Variants in GNAT3 observed in about 807,000 individuals in gnomAD.
The protein encoded by GNAT3 is guanine nucleotide-binding protein G(t) subunit alpha-3.
In GNAT3, 31 loss-of-function variants were observed where a neutral mutation model predicts 37.7. The observed-to-expected ratio is 0.82, with a 90% CI of 0.62 to 1.11. GNAT3 has a LOEUF of 1.11. Among genes scored for constraint, GNAT3 ranks in the 50% most tolerant of loss-of-function variants. The probability of loss-of-function intolerance (pLI) is 0.00; values close to 1 mark genes in which losing one functional copy is unlikely to be tolerated. For missense variants in GNAT3, 437 were observed against 412.5 expected (o/e 1.06, Z -0.51); for synonymous variants, 138 against 139.8 (o/e 0.99, Z 0.09).
At chr7:80,492,642 ATTATT>A (rs1199423744) in intron 2 of GNAT3, among the ~76,000 whole-genome samples, 1 of 151,566 alleles carries the variant, frequency 6.6e-6, no homozygotes, top group African/African-American at 2.4e-5. Context: ...ATATTATTGA[ATTATT>A]TTATTTTCAT....
Position 80,472,473 on chromosome 7 carries a change from A to G in GNAT3, c.590+1778T>C, listed in dbSNP as rs116902771. On this transcript the variant is annotated intron_variant, in intron 5 of 7. Transcript: ENST00000398291. Reference sequence around the variant, plus strand: ...ATGCATTTGATTTTGGAACTTAATCATAAGAAGGAGATGTTTCTTGCAGAT... The same window carrying G: ...ATGCATTTGATTTTGGAACTTAATCGTAAGAAGGAGATGTTTCTTGCAGAT... Among the ~76,000 whole-genome samples the G allele has an allele frequency of 3.5e-3, 528 of 152,304 alleles. 5 individuals are homozygous for G. The highest frequency in any genetic ancestry group is 5.6e-3 in the Non-Finnish European group (379 of 68,020).
intron 1 of GNAT3, among the ~76,000 whole-genome samples, chr7:80,508,738 T>C (rs1420819250): frequency 1.3e-5 from 2 of 152,064 alleles, no homozygotes; most frequent in Non-Finnish European, 2.9e-5. Flanking sequence ...GATCCTTTAA[T>C]TGTAAAGTCG....
intron 3 of GNAT3, among the ~76,000 whole-genome samples, chr7:80,482,223 C>A (rs926353785): frequency 6.6e-6 from 1 of 152,054 alleles, no homozygotes; most frequent in Non-Finnish European, 1.5e-5. Flanking sequence ...TTTTTAAAAC[C>A]CCATTTCTCT....
intron 1 of GNAT3, among the ~76,000 whole-genome samples, chr7:80,497,558 A>ACATATACGTATATG (rs1562732603): frequency 9.5e-5 from 13 of 136,444 alleles, no homozygotes; most frequent in Middle Eastern, 3.9e-3. Context: ...ATACGTATAT[A>ACATATACGTATATG]CATATACGTA....
At chr7:80,508,873 AT>A (rs1791002220) in intron 1 of GNAT3, among the ~76,000 whole-genome samples, 1 of 152,072 alleles carries the variant, frequency 6.6e-6, no homozygotes, top group South Asian at 2.1e-4. Flanking sequence ...CTAGAAATTC[AT>A]TAGATGAAGA....
In GNAT3 at chr7:80,491,245, G is replaced by A. The variant is rs139960586; in HGVS notation, c.162-2569C>T. On this transcript the variant is annotated intron_variant, in intron 2 of 7. Transcript: ENST00000398291. ...GGTGAAGGCTTAGCATAACTATGCT[G>A]AGATTTATTGCGTTGTAGGCTGGCG... 2.2e-3 allele frequency among the ~76,000 whole-genome samples: 329 copies of A among 152,270 alleles called. 1 individual carries two copies. Among genetic ancestry groups the A allele is most frequent in the African/African-American group, 7.1e-3 (297 of 41,560 alleles).
At chr7:80,493,501 G>A (rs567795778) in intron 2 of GNAT3, among the ~76,000 whole-genome samples, 8 of 152,232 alleles carry the variant, frequency 5.3e-5, no homozygotes, top group Middle Eastern at 3.4e-3. Flanking sequence ...TTGACTGGCA[G>A]GCATCACTCC....
chr7:80,501,622 TTTTA>T (rs1471800280), intron 1 of GNAT3, among the ~76,000 whole-genome samples: 4 of 151,970 alleles, frequency 2.6e-5, no homozygotes, highest in African/African-American at 9.6e-5. Flanking sequence ...TCGTTATGCT[TTTTA>T]AGCTCTTTTA....
chr7:80,496,771 C>A (rs966780472), intron 1 of GNAT3, among the ~76,000 whole-genome samples: 1 of 151,866 alleles, frequency 6.6e-6, no homozygotes, highest in South Asian at 2.1e-4. Flanking sequence ...TGAAATGTTT[C>A]TGCATGATTT....
chr7:80,487,654 GC>G (rs1332978964), intron 3 of GNAT3: 2 of 152,086 alleles, frequency 1.3e-5, no homozygotes, highest in Non-Finnish European at 2.9e-5. Flanking sequence ...TCCTTACTAT[GC>G]TTTTGCTCTC....
At chr7:80,483,212 G>A (rs1044705301) in intron 3 of GNAT3, among the ~76,000 whole-genome samples, 1 of 152,052 alleles carries the variant, frequency 6.6e-6, no homozygotes, top group African/African-American at 2.4e-5. Context: ...TGTTCTGACT[G>A]CATTAAGAAT....
chr7:80,506,715 C>A lies in GNAT3; in HGVS notation c.118+5094G>T, dbSNP rs138951415. 6.5e-3 allele frequency among the ~76,000 whole-genome samples: 989 copies of A among 152,162 alleles called. 9 individuals are homozygous for A. The highest frequency in any genetic ancestry group is 0.022 in the African/African-American group (926 of 41,532). ...ATTCATGCATCCCAAAGATTGGATA[C>A]CTCTAGAAACATAAAATAAATAATT... On this transcript the variant is annotated intron_variant, in intron 1 of 7. Coordinates refer to ENST00000398291, the MANE Select transcript of GNAT3 (RefSeq NM_001102386.3).
chr7:80,499,249 G>A (rs1338433489), intron 1 of GNAT3, among the ~76,000 whole-genome samples: 1 of 152,162 alleles, frequency 6.6e-6, no homozygotes, highest in East Asian at 1.9e-4. Context: ...AAGAAACTAT[G>A]TATTCTGACT....
chr7:80,489,794 T>G (rs1274290205), intron 2 of GNAT3, among the ~76,000 whole-genome samples: 1 of 152,090 alleles, frequency 6.6e-6, no homozygotes, highest in Admixed American at 6.6e-5. Context: ...TATGGATAGA[T>G]CAAGAATAAG....
At chr7:80,478,226 A>G (rs1398864843) in intron 4 of GNAT3, among the ~76,000 whole-genome samples, 5 of 152,202 alleles carry the variant, frequency 3.3e-5, no homozygotes, top group Non-Finnish European at 5.9e-5. Flanking sequence ...GGAAAATTTT[A>G]AATCACTTTG....
chr7:80,472,518 G>GCAA (rs1790237719), intron 5 of GNAT3, among the ~76,000 whole-genome samples: 3 of 152,234 alleles, frequency 2.0e-5, no homozygotes, highest in East Asian at 3.9e-4. Context: ...GAGCACTTTA[G>GCAA]GCAAAGAGAC....
At chr7:80,467,541 T>C (rs2116148325) in intron 5 of GNAT3, among the ~76,000 whole-genome samples, 1 of 152,212 alleles carries the variant, frequency 6.6e-6, no homozygotes, top group South Asian at 2.1e-4. Context: ...TTTCATACTT[T>C]TCAGTTTTAG....
intron 1 of GNAT3, among the ~76,000 whole-genome samples, chr7:80,509,018 A>G (rs1490065801): frequency 1.3e-5 from 2 of 152,074 alleles, no homozygotes; most frequent in Non-Finnish European, 2.9e-5. Flanking sequence ...CTCACTGATA[A>G]ACTTAAAAGT....
Position 80,497,645 on chromosome 7 carries a change from T to C in GNAT3, c.119-2998A>G, listed in dbSNP as rs185249294. Among the ~76,000 whole-genome samples, 116 of 112,444 alleles carry C rather than the reference T, an allele frequency of 1.0e-3. 5 individuals carry two copies. The highest frequency in any genetic ancestry group is 4.9e-3 in the African/African-American group (100 of 20,348). 73.8% of individuals were successfully genotyped at this position (112,444 alleles called of 152,430 possible). ...ACGTATATACATATACGTATATACA[T>C]ATACGTATATACATATACGTATATA... On this transcript the variant is annotated intron_variant, in intron 1 of 7. Transcript: ENST00000398291.
Sources: allele counts gnomAD v4.1 joint callset (sites outside exome capture counted in the v4.1 genomes callset), GRCh38; gene constraint gnomAD v4.1.1; transcripts MANE v1.5; gene names NCBI Gene and HGNC (gene_info 2026-07-23, HGNC 2026-07-21).